Variants in ATP11B observed in about 807,000 individuals in gnomAD.
ATP11B encodes the protein phospholipid-transporting ATPase IF.
A neutral mutation model predicts 157.8 loss-of-function variants in ATP11B; 81 were observed. That is an observed-to-expected ratio of 0.51 (90% CI 0.43 to 0.62). ATP11B has a LOEUF of 0.62. Ranked by LOEUF, ATP11B falls within the 20% of genes least tolerant of loss-of-function variation. The pLI, the probability that ATP11B is intolerant of heterozygous loss-of-function variation, is 0.00. For missense variants in ATP11B, 1,165 were observed against 1,402.2 expected (o/e 0.83, Z 2.70); for synonymous variants, 451 against 469.4 (o/e 0.96, Z 0.51).
intron 19 of ATP11B, among the ~76,000 whole-genome samples, chr3:182,874,485 A>T (rs1721889779): frequency 6.6e-6 from 1 of 150,540 alleles, no homozygotes; most frequent in East Asian, 1.9e-4. Flanking sequence ...AAGAAAAGAA[A>T]AGTGGACTTT....
At chr3:182,888,452 A>T (rs1023492867) in intron 24 of ATP11B, among the ~76,000 whole-genome samples, 3 of 152,216 alleles carry the variant, frequency 2.0e-5, no homozygotes, top group Admixed American at 2.0e-4. Flanking sequence ...ACTGAATGTT[A>T]ACAGAAGAAT....
At chr3:182,846,448 A>G (rs1047279076) in intron 9 of ATP11B, among the ~76,000 whole-genome samples, 4 of 152,216 alleles carry the variant, frequency 2.6e-5, no homozygotes, top group African/African-American at 7.2e-5. Context: ...ATAGAATTAT[A>G]TGACTTAATG....
intron 10 of ATP11B, among the ~76,000 whole-genome samples, chr3:182,856,261 T>A (rs550987322): frequency 6.6e-6 from 1 of 152,234 alleles, no homozygotes; most frequent in South Asian, 2.1e-4. Context: ...GTAAAAAAAT[T>A]AGGTAATAGG....
At chr3:182,895,179 C>T (rs898013006) in intron 25 of ATP11B, among the ~76,000 whole-genome samples, 2 of 150,544 alleles carry the variant, frequency 1.3e-5, no homozygotes, top group African/African-American at 4.9e-5. Context: ...GAGAATGGCA[C>T]TCCTCCTGAG....
At chr3:182,885,289 A>T (rs961232646) in intron 22 of ATP11B, among the ~76,000 whole-genome samples, 13 of 152,148 alleles carry the variant, frequency 8.5e-5, no homozygotes, top group Non-Finnish European at 1.6e-4. Context: ...AGGGTTACAA[A>T]GAAACAAATT....
chr3:182,883,376 G>A (rs1365774948), intron 21 of ATP11B, among the ~76,000 whole-genome samples: 1 of 151,592 alleles, frequency 6.6e-6, no homozygotes, highest in Non-Finnish European at 1.5e-5. Context: ...TCCTACCTCA[G>A]CCTCCCAAGT....
chr3:182,860,863 G>A (rs1160621301), intron 12 of ATP11B, among the ~76,000 whole-genome samples: 2 of 151,800 alleles, frequency 1.3e-5, no homozygotes, highest in African/African-American at 2.4e-5. Flanking sequence ...TTACCTCCCC[G>A]AGGATATTAA....
intron 25 of ATP11B, among the ~76,000 whole-genome samples, chr3:182,889,820 A>G (rs1052059986): frequency 6.6e-6 from 1 of 152,158 alleles, no homozygotes; most frequent in Non-Finnish European, 1.5e-5. Context: ...TTGCCCCTGC[A>G]TGCTCTTCAC....
In ATP11B at chr3:182,898,726, A is replaced by G; in HGVS notation, c.3272A>G (p.Lys1091Arg). The change falls in exon 28 of 30, where the codon AAG becomes AGG. Residue 1091 changes from lysine to arginine, a missense_variant. By Grantham distance (26) the Lys-to-Arg change is conservative (BLOSUM62 2). This residue lies in a region of ATP11B where 303 missense variants were observed against 296.3 expected (regional missense o/e 1.02). Coordinates refer to ENST00000323116, the MANE Select transcript of ATP11B (RefSeq NM_014616.3). ...TGTCTATTTCTTGATATCATAAAGA[A>G]GGTCTTTGACCGACACCTCCACCCT... ...VTCLFLDIIK[K>R]VFDRHLHPTS... 6.3e-7 allele frequency: 1 copy of G among 1,596,058 alleles called. No homozygotes were observed. The highest frequency in any genetic ancestry group is 8.5e-7 in the Non-Finnish European group (1 of 1,171,334).
intron 4 of ATP11B, 83 bp from the exon 5 acceptor site, chr3:182,835,952 G>A: frequency 3.6e-6 from 4 of 1,107,644 alleles, no homozygotes; most frequent in Non-Finnish European, 5.2e-6. Context: ...TTCCAGGGAA[G>A]TTTTTGAGTT....
At chr3:182,905,248 A>T (rs1265845224) in intron 28 of ATP11B, among the ~76,000 whole-genome samples, 3 of 152,232 alleles carry the variant, frequency 2.0e-5, no homozygotes, top group Non-Finnish European at 4.4e-5. Context: ...TCCTTAGAAG[A>T]TCTCTAATAC....
At chr3:182,913,038 G>A (rs952817848) in intron 28 of ATP11B, among the ~76,000 whole-genome samples, 3 of 152,122 alleles carry the variant, frequency 2.0e-5, no homozygotes, top group East Asian at 1.9e-4. Flanking sequence ...ATTGTTAGTC[G>A]TGTGGAATAA....
intron 12 of ATP11B, among the ~76,000 whole-genome samples, chr3:182,860,407 C>T (rs1382553463): frequency 6.6e-6 from 1 of 152,162 alleles, no homozygotes; most frequent in African/African-American, 2.4e-5. Context: ...GTTGTTTTAT[C>T]TCTGGAAGCT....
At chr3:182,874,428 G>A (rs1721884080) in intron 19 of ATP11B, among the ~76,000 whole-genome samples, 2 of 152,154 alleles carry the variant, frequency 1.3e-5, no homozygotes, top group African/African-American at 2.4e-5. Context: ...GCACCATGTT[G>A]CGACATTTTA....
rs550157097 is a variant in ATP11B at position 182,845,454 on chromosome 3, C to T, written c.705-4C>T. 1 of 1,587,638 alleles carries T rather than the reference C, an allele frequency of 6.3e-7. No homozygotes were observed. Among genetic ancestry groups the T allele is most frequent in the Non-Finnish European group, 8.5e-7 (1 of 1,173,332 alleles). On this transcript the variant is annotated splice_region_variant and splice_polypyrimidine_tract_variant and intron_variant, in intron 8 of 29. Coordinates refer to ENST00000323116, the MANE Select transcript of ATP11B (RefSeq NM_014616.3). ...GCTTTATGGTTATTTTCTTTTTTTC[C>T]TAGACCTCTGGGGCCGGAGAGTCTC...
chr3:182,905,036 G>A (rs1724246893), intron 28 of ATP11B, among the ~76,000 whole-genome samples: 1 of 151,580 alleles, frequency 6.6e-6, no homozygotes, highest in Non-Finnish European at 1.5e-5. Flanking sequence ...CATAAACTTA[G>A]TATACCCTTG....
chr3:182,882,183 G>C (rs1489721949), intron 21 of ATP11B, among the ~76,000 whole-genome samples: 1 of 152,076 alleles, frequency 6.6e-6, no homozygotes, highest in Non-Finnish European at 1.5e-5. Flanking sequence ...GATATTTTCT[G>C]TGTGCCTCTT....
At chr3:182,819,456 A>G (rs535365841) in intron 1 of ATP11B, among the ~76,000 whole-genome samples, 3 of 152,182 alleles carry the variant, frequency 2.0e-5, no homozygotes, top group Non-Finnish European at 4.4e-5. Flanking sequence ...GGAAGTGGAA[A>G]TACAGTCCTC....
chr3:182,895,112 CAAA>C (rs368282275), intron 25 of ATP11B, among the ~76,000 whole-genome samples: 10,320 of 68,032 alleles, frequency 0.15, 371 homozygotes, highest in African/African-American at 0.22. Flanking sequence ...GACCCTGACT[CAAA>C]AAAAAAAAAA....
Sources: allele counts gnomAD v4.1 joint callset (sites outside exome capture counted in the v4.1 genomes callset), GRCh38; gene constraint gnomAD v4.1.1; regional missense constraint gnomAD v4.1.1; transcripts MANE v1.5; gene names NCBI Gene and HGNC (gene_info 2026-07-23, HGNC 2026-07-21).